UBE4B: variants seen among roughly 807,000 people sequenced by gnomAD.
UBE4B encodes ubiquitination factor E4B, also known as ubiquitin conjugation factor E4 B.
A neutral mutation model predicts 148.1 loss-of-function variants in UBE4B; 27 were observed. The ratio of observed to expected loss-of-function variants is 0.18; its 90% CI spans 0.13 to 0.25. UBE4B has a LOEUF of 0.25. Among genes scored for constraint, UBE4B ranks in the 10% least tolerant of loss-of-function variants. The pLI is 1.00. For synonymous variants in UBE4B, 596 were observed against 619.3 expected (o/e 0.96, Z 0.56); for missense variants, 1,170 against 1,662.4 (o/e 0.70, Z 5.15).
chr1:10,159,822 A>G (rs1646132422), intron 22 of UBE4B, among the ~76,000 whole-genome samples: 1 of 152,274 alleles, frequency 6.6e-6, no homozygotes, highest in South Asian at 2.1e-4. Flanking sequence ...CAGTGGAATA[A>G]CTATTTGCCA....
At position 10,168,123 on chromosome 1, in the gene UBE4B, C is replaced by T. The variant is rs550711974; in HGVS notation, c.3199-13C>T. The T allele has an allele frequency of 2.5e-6, 4 of 1,610,430 alleles. No individual in the cohort carries two copies. Among genetic ancestry groups the T allele is most frequent in the African/African-American group, 2.7e-5 (2 of 74,914 alleles). On this transcript the variant is annotated splice_polypyrimidine_tract_variant and intron_variant, in intron 23 of 27. Coordinates refer to ENST00000343090, the MANE Select transcript of UBE4B (RefSeq NM_001105562.3). This position sits in a 1 kb window ranked among gnomAD's most constrained non-coding sequence, Gnocchi z 4.9. ...GACCGAGCCTTACTCAGCGTCTGTTCGATGTGTCCTAGGATCAGCAGCAGG... is the reference window on the plus strand; with the variant it reads ...GACCGAGCCTTACTCAGCGTCTGTTTGATGTGTCCTAGGATCAGCAGCAGG...
intron 2 of UBE4B, among the ~76,000 whole-genome samples, chr1:10,075,633 A>T (rs1483433082): frequency 6.6e-6 from 1 of 152,244 alleles, no homozygotes; most frequent in Non-Finnish European, 1.5e-5. Context: ...AGTCATCATT[A>T]TTCATAATCA....
intron 23 of UBE4B, among the ~76,000 whole-genome samples, chr1:10,163,877 C>A (rs932354897): frequency 1.3e-5 from 2 of 151,234 alleles, no homozygotes; most frequent in African/African-American, 2.4e-5. Context: ...CAGGCGTGCA[C>A]CACCACGTCC....
At chr1:10,139,145 C>T (rs1290080743) in intron 17 of UBE4B, among the ~76,000 whole-genome samples, 1 of 152,190 alleles carries the variant, frequency 6.6e-6, no homozygotes, top group African/African-American at 2.4e-5. Flanking sequence ...CCTGTAATCC[C>T]AACACTTTGG....
At chr1:10,093,256 G>A (rs1644878250) in intron 2 of UBE4B, among the ~76,000 whole-genome samples, 4 of 152,126 alleles carry the variant, frequency 2.6e-5, no homozygotes, top group Admixed American at 2.0e-4. Flanking sequence ...CTTTAATTGT[G>A]ATAGGTAAAA....
chr1:10,082,632 C>CT (rs5772395), intron 2 of UBE4B, among the ~76,000 whole-genome samples: 3,812 of 105,904 alleles, frequency 0.036, 95 homozygotes, highest in African/African-American at 0.08. Context: ...AAGAAGGCGA[C>CT]TTTTTTTTTT....
chr1:10,132,682 A>C (rs1645615107), intron 15 of UBE4B, among the ~76,000 whole-genome samples, 200 bp downstream of exon 15: 1 of 152,246 alleles, frequency 6.6e-6, no homozygotes, highest in Non-Finnish European at 1.5e-5. Flanking sequence ...ACAGTTGTAT[A>C]ATCAGTGAAG....
chr1:10,081,432 T>A (rs1001220221), intron 2 of UBE4B, among the ~76,000 whole-genome samples: 2 of 151,998 alleles, frequency 1.3e-5, no homozygotes, highest in African/African-American at 2.4e-5. Context: ...TTGGTTTTTT[T>A]ATGTTTTATT....
chr1:10,154,037 G>A (rs1023121369), intron 21 of UBE4B, among the ~76,000 whole-genome samples: 4 of 151,774 alleles, frequency 2.6e-5, no homozygotes, highest in South Asian at 2.1e-4. Context: ...AGCCAAGATC[G>A]CGCCATTGTA....
At chr1:10,124,843 A>G (rs2101929533) in intron 10 of UBE4B, among the ~76,000 whole-genome samples, 1 of 152,292 alleles carries the variant, frequency 6.6e-6, no homozygotes, top group South Asian at 2.1e-4. Context: ...TATATAGGTC[A>G]GGCCAGGCAT....
chr1:10,173,217 G>A (rs1646363203), intron 25 of UBE4B, among the ~76,000 whole-genome samples: 1 of 152,150 alleles, frequency 6.6e-6, no homozygotes, highest in Non-Finnish European at 1.5e-5. Flanking sequence ...GGTGGCTCAT[G>A]CCTGTAATCC....
chr1:10,139,100 T>C (rs1645743021), intron 17 of UBE4B, among the ~76,000 whole-genome samples: 1 of 152,206 alleles, frequency 6.6e-6, no homozygotes, highest in Non-Finnish European at 1.5e-5. Flanking sequence ...TGCTGCCTTA[T>C]AGAAGAAACT....
chr1:10,074,375 A>T (rs1397721044), intron 2 of UBE4B, among the ~76,000 whole-genome samples: 6 of 149,220 alleles, frequency 4.0e-5, no homozygotes. Context: ...ATATAATGCC[A>T]TTACTTTTCC....
At position 10,170,528 on chromosome 1, in the gene UBE4B, C is replaced by T. The variant is rs561627287; in HGVS notation, c.3334-610C>T. On this transcript the variant is annotated intron_variant, in intron 24 of 27. Coordinates refer to ENST00000343090, the MANE Select transcript of UBE4B (RefSeq NM_001105562.3). Reference sequence around the variant, plus strand: ...CCCAACCGTAGTGGGTACTGAGTCACCTTGTGAGATTACAGCATAGATTAT... The same window carrying T: ...CCCAACCGTAGTGGGTACTGAGTCATCTTGTGAGATTACAGCATAGATTAT... Among the ~76,000 whole-genome samples, 9 of 152,284 alleles carry T rather than the reference C, an allele frequency of 5.9e-5. No individual in the cohort carries two copies. The South Asian group carries it at 1.9e-3, about 32-fold the overall frequency.
chr1:10,166,970 C>CACACAA (rs1333675469), intron 23 of UBE4B, among the ~76,000 whole-genome samples: 7 of 133,250 alleles, frequency 5.3e-5, no homozygotes, highest in Non-Finnish European at 8.1e-5. Flanking sequence ...CACACACACA[C>CACACAA]AAAAAAAAAA....
intron 19 of UBE4B, among the ~76,000 whole-genome samples, chr1:10,147,401 G>A (rs559877671): frequency 1.2e-4 from 19 of 152,142 alleles, no homozygotes; most frequent in Non-Finnish European, 2.5e-4. Flanking sequence ...GCTGAGGCAT[G>A]AGAATCGTTT....
chr1:10,158,586 G>C (rs1646110701), intron 22 of UBE4B, 104 bp downstream of exon 22: 7 of 1,433,258 alleles, frequency 4.9e-6, no homozygotes, highest in South Asian at 4.1e-5. Context: ...CTGTTTGCTT[G>C]GTCTCAGACT....
At chr1:10,178,367 C>T (rs913748862) in intron 25 of UBE4B, among the ~76,000 whole-genome samples, 2 of 152,084 alleles carry the variant, frequency 1.3e-5, no homozygotes, top group East Asian at 1.9e-4. Flanking sequence ...AGCCCGTCTG[C>T]CTCAGTCCTG....
At chr1:10,175,605 C>A (rs932647795) in intron 25 of UBE4B, among the ~76,000 whole-genome samples, 1 of 151,928 alleles carries the variant, frequency 6.6e-6, no homozygotes, top group Admixed American at 6.6e-5. Flanking sequence ...GAGCCGAGAT[C>A]GCGCCACTGC....
Sources: allele counts gnomAD v4.1 joint callset (sites outside exome capture counted in the v4.1 genomes callset), GRCh38; gene constraint gnomAD v4.1.1; non-coding constraint Gnocchi (gnomAD v3.1); transcripts MANE v1.5; gene names NCBI Gene and HGNC (gene_info 2026-07-23, HGNC 2026-07-21).